Variants in KANSL1L observed in about 807,000 individuals in gnomAD.
The protein encoded by KANSL1L is KAT8 regulatory NSL complex subunit 1-like protein.
Under a neutral mutation model 108.6 loss-of-function variants are expected in KANSL1L, and 25 were observed. The observed-to-expected ratio is 0.23, with a 90% confidence interval of 0.17 to 0.32. The LOEUF (loss-of-function observed/expected upper bound fraction) is 0.32, where lower values mean the gene tolerates loss of function less well. Ranked by LOEUF, KANSL1L falls within the 10% of genes least tolerant of loss-of-function variation. The pLI is 1.00. For synonymous variants in KANSL1L, 405 were observed against 395.1 expected (o/e 1.03, Z -0.30); for missense variants, 1,137 against 1,125.7 (o/e 1.01, Z -0.14).
At chr2:210,159,266 T>C (rs1246831031) in intron 1 of KANSL1L, among the ~76,000 whole-genome samples, 1 of 152,234 alleles carries the variant, frequency 6.6e-6, no homozygotes, top group Non-Finnish European at 1.5e-5. Flanking sequence ...CACAGTGACT[T>C]TGTGTTTGCT....
At position 210,136,258 on chromosome 2, in the gene KANSL1L, T is replaced by C. The variant is rs926100639; in HGVS notation, c.1089-7086A>G. 2.6e-5 allele frequency among the ~76,000 whole-genome samples: 4 copies of C among 152,032 alleles called. No homozygotes were observed. In the East Asian group the frequency reaches 5.8e-4, roughly 22 times the overall value. On this transcript the variant is annotated intron_variant, in intron 2 of 14. Coordinates refer to ENST00000281772, the MANE Select transcript of KANSL1L (RefSeq NM_152519.4). ...ATATATGGGATGGGCAAATTTAGTC[T>C]TCTTCTCTTATTATCTATCCTCCCA...
At chr2:210,040,774 C>T (rs1005341785) in intron 7 of KANSL1L, among the ~76,000 whole-genome samples, 1 of 152,056 alleles carries the variant, frequency 6.6e-6, no homozygotes, top group Non-Finnish European at 1.5e-5. Context: ...AACAGAGAAA[C>T]AACTTCATGA....
intron 2 of KANSL1L, among the ~76,000 whole-genome samples, chr2:210,145,902 T>C (rs907281948): frequency 5.3e-5 from 8 of 151,870 alleles, no homozygotes; most frequent in Non-Finnish European, 7.4e-5. Flanking sequence ...TGTGGACATG[T>C]ATGGGGCAGT....
chr2:210,154,634 G>T, intron 1 of KANSL1L, 23 bp from the exon 2 acceptor site: 2 of 1,356,222 alleles, frequency 1.5e-6, no homozygotes, highest in South Asian at 2.5e-5. Context: ...AAAAATAAAT[G>T]GTCAAATATC....
intron 3 of KANSL1L, among the ~76,000 whole-genome samples, chr2:210,125,254 C>CAAAAG (rs941946748): frequency 1.1e-4 from 17 of 151,632 alleles, no homozygotes; most frequent in South Asian, 4.2e-4. Context: ...AACTCCAACT[C>CAAAAG]AAAAGAAAAG....
At chr2:210,147,425 C>T (rs2095273357) in intron 2 of KANSL1L, among the ~76,000 whole-genome samples, 1 of 152,136 alleles carries the variant, frequency 6.6e-6, no homozygotes, top group African/African-American at 2.4e-5. Context: ...TGTACTCCAG[C>T]CTGGGCAACA....
intron 3 of KANSL1L, among the ~76,000 whole-genome samples, chr2:210,121,715 T>G (rs537501155): frequency 6.6e-6 from 1 of 152,012 alleles, no homozygotes; most frequent in South Asian, 2.1e-4. Flanking sequence ...GAAAAAGAAA[T>G]AAAGGGCATC....
At chr2:210,083,872 GACTTAA>G (rs1286028025) in intron 5 of KANSL1L, among the ~76,000 whole-genome samples, 6 of 139,236 alleles carry the variant, frequency 4.3e-5, no homozygotes, top group East Asian at 2.1e-4. Context: ...TAAAAAATAA[GACTTAA>G]ACTTAATAGG....
At chr2:210,163,984 G>A (rs1030940680) in intron 1 of KANSL1L, among the ~76,000 whole-genome samples, 2 of 152,040 alleles carry the variant, frequency 1.3e-5, no homozygotes, top group African/African-American at 4.8e-5. Flanking sequence ...TTATTGTGAA[G>A]GAGTCTCAAG....
chr2:210,061,679 A>G (rs2094421375), intron 6 of KANSL1L, among the ~76,000 whole-genome samples: 1 of 152,224 alleles, frequency 6.6e-6, no homozygotes, highest in South Asian at 2.1e-4. Flanking sequence ...AGATTCTCCA[A>G]GCATAAACTA....
chr2:210,094,173 A>C (rs1336482415), intron 5 of KANSL1L, among the ~76,000 whole-genome samples: 4 of 152,210 alleles, frequency 2.6e-5, no homozygotes, highest in Non-Finnish European at 5.9e-5. Flanking sequence ...ATTTAATGCC[A>C]TTAAACTTAC....
chr2:210,026,855 C>T (rs1457751454), intron 12 of KANSL1L, among the ~76,000 whole-genome samples: 6 of 152,164 alleles, frequency 3.9e-5, no homozygotes, highest in African/African-American at 1.4e-4. Flanking sequence ...ATTGCAAGCT[C>T]CGCCTCCCGG....
At chr2:210,032,697 T>C (rs1376766627) in intron 8 of KANSL1L, 1 of 152,190 alleles carries the variant, frequency 6.6e-6, no homozygotes, top group Non-Finnish European at 1.5e-5. Flanking sequence ...TCAAATGTTG[T>C]ATAAATTCCC....
intron 4 of KANSL1L, among the ~76,000 whole-genome samples, chr2:210,101,365 G>A (rs2094792198): frequency 6.6e-6 from 1 of 152,092 alleles, no homozygotes; most frequent in Non-Finnish European, 1.5e-5. Flanking sequence ...GTCATCTCAG[G>A]TCCAACCTAA....
chr2:210,093,024 T>C (rs2094705971), intron 5 of KANSL1L, among the ~76,000 whole-genome samples: 1 of 152,240 alleles, frequency 6.6e-6, no homozygotes, highest in Non-Finnish European at 1.5e-5. Flanking sequence ...ACTTCCAATG[T>C]ACCTTTACTG....
chr2:210,030,360 T>A (rs2093998406), intron 9 of KANSL1L, among the ~76,000 whole-genome samples: 1 of 151,934 alleles, frequency 6.6e-6, no homozygotes, highest in South Asian at 2.1e-4. Flanking sequence ...AAGTACATGT[T>A]TCCGAAAGTA....
chr2:210,029,368 C>G (rs1434696522), intron 10 of KANSL1L, among the ~76,000 whole-genome samples: 1 of 152,066 alleles, frequency 6.6e-6, no homozygotes, highest in East Asian at 1.9e-4. Flanking sequence ...GTATACTCTT[C>G]ATTTATGCAT....
intron 5 of KANSL1L, among the ~76,000 whole-genome samples, chr2:210,084,908 C>T (rs1014470407): frequency 1.3e-5 from 2 of 152,100 alleles, no homozygotes; most frequent in Non-Finnish European, 2.9e-5. Flanking sequence ...CCATGCCCAG[C>T]CTTTTTTTTT....
intron 6 of KANSL1L, among the ~76,000 whole-genome samples, chr2:210,073,219 G>A (rs2094519507): frequency 1.3e-5 from 2 of 151,914 alleles, no homozygotes; most frequent in Admixed American, 6.6e-5. Context: ...CCCAGCCCTG[G>A]AGACCAGCCA....
Sources: gnomAD v4.1 joint callset for allele counts (sites outside exome capture counted in the v4.1 genomes callset) on GRCh38, gnomAD v4.1.1 for gene constraint, MANE v1.5 for transcripts, NCBI Gene and HGNC (gene_info 2026-07-23, HGNC 2026-07-21) for gene names.